Variants in CCDC34 observed in about 807,000 individuals in gnomAD.
CCDC34 encodes the protein coiled-coil domain-containing protein 34.
A neutral mutation model predicts 44.1 loss-of-function variants in CCDC34; 40 were observed. The ratio of observed to expected loss-of-function variants is 0.91; its 90% CI spans 0.70 to 1.18. The LOEUF is 1.18. CCDC34 is among the 50% of genes most tolerant of loss of function. CCDC34 has a pLI of 0.00. For missense variants in CCDC34, 466 were observed against 452.3 expected (o/e 1.03, Z -0.28); for synonymous variants, 159 against 158.2 (o/e 1.01, Z -0.04).
chr11:27,355,617 G>A (rs1862563914), intron 2 of CCDC34, among the ~76,000 whole-genome samples: 1 of 152,100 alleles, frequency 6.6e-6, no homozygotes, highest in Admixed American at 6.5e-5. Context: ...TGTGACACAG[G>A]TATTATTTTA....
At position 27,357,556 on chromosome 11, in the gene CCDC34, C is replaced by A; in HGVS notation, c.360-15G>T. On this transcript the variant is annotated splice_polypyrimidine_tract_variant and intron_variant, in intron 1 of 5. Coordinates refer to ENST00000328697, the MANE Select transcript of CCDC34 (RefSeq NM_030771.2). Reference sequence around the variant, plus strand: ...CAACCTGAGTGCTACAAAAGAGAGGCTACTATAGTACTTGTACAAGAACCT... The same window carrying A: ...CAACCTGAGTGCTACAAAAGAGAGGATACTATAGTACTTGTACAAGAACCT... 1 of 1,611,982 alleles carries A rather than the reference C, an allele frequency of 6.2e-7. No individual in the cohort carries two copies. Among genetic ancestry groups the A allele is most frequent in the Non-Finnish European group, 8.5e-7 (1 of 1,178,794 alleles).
At chr11:27,350,946 A>G (rs1862497379) in intron 2 of CCDC34, among the ~76,000 whole-genome samples, 1 of 152,250 alleles carries the variant, frequency 6.6e-6, no homozygotes, top group Admixed American at 6.5e-5. Flanking sequence ...AGTTTTCTTC[A>G]CTGGTTTTAT....
At chr11:27,357,580 C>G (rs3741407) in intron 1 of CCDC34, 39 bp from the exon 2 acceptor site, 480,166 of 1,584,270 alleles carry the variant, frequency 0.3, 75,038 homozygotes, top group Middle Eastern at 0.37. Context: ...GTACAAGAAC[C>G]TCTTTTGCTT....
chr11:27,354,303 G>T (rs1037764709), intron 2 of CCDC34, among the ~76,000 whole-genome samples: 1 of 152,126 alleles, frequency 6.6e-6, no homozygotes, highest in Non-Finnish European at 1.5e-5. Flanking sequence ...CCTGCTACAT[G>T]CTTATCATTG....
intron 3 of CCDC34, among the ~76,000 whole-genome samples, chr11:27,344,431 T>G (rs1862405527): frequency 6.6e-6 from 1 of 151,856 alleles, no homozygotes; most frequent in Admixed American, 6.6e-5. Context: ...TATAAACATG[T>G]GTGTTACATA....
chr11:27,351,137 T>C (rs955746363), intron 2 of CCDC34, among the ~76,000 whole-genome samples: 5 of 152,330 alleles, frequency 3.3e-5, no homozygotes, highest in African/African-American at 9.6e-5. Flanking sequence ...ACTGCATTGG[T>C]TTAGAATGCT....
chr11:27,340,326 A>G (rs1757620540), intron 5 of CCDC34, among the ~76,000 whole-genome samples: 1 of 152,144 alleles, frequency 6.6e-6, no homozygotes, highest in South Asian at 2.1e-4. Context: ...TGCCAAGGAC[A>G]TGGGAAGCTC....
At chr11:27,347,020 G>A (rs192801329) in intron 3 of CCDC34, among the ~76,000 whole-genome samples, 1 of 152,296 alleles carries the variant, frequency 6.6e-6, no homozygotes, top group African/African-American at 2.4e-5. Flanking sequence ...AGAACTGTGA[G>A]TAAAGATATA....
intron 3 of CCDC34, among the ~76,000 whole-genome samples, chr11:27,344,686 CATAA>C (rs1862409727): frequency 6.6e-6 from 1 of 151,830 alleles, no homozygotes; most frequent in Non-Finnish European, 1.5e-5. Context: ...TTAAAGAAGA[CATAA>C]ATAACTGGAA....
chr11:27,359,731 G>C (rs1038667630), intron 1 of CCDC34, among the ~76,000 whole-genome samples: 2 of 152,124 alleles, frequency 1.3e-5, no homozygotes, highest in African/African-American at 4.8e-5. Context: ...AGTTGTGGCT[G>C]GCTACCTTAC....
At chr11:27,357,588 C>T in intron 1 of CCDC34, 47 bp from the exon 2 acceptor site, 1 of 1,577,780 alleles carries the variant, frequency 6.3e-7, no homozygotes, top group Non-Finnish European at 8.6e-7. Flanking sequence ...ACCTCTTTTG[C>T]TTCCTAGTCC....
intron 2 of CCDC34, among the ~76,000 whole-genome samples, chr11:27,353,520 G>A (rs1862532820): frequency 6.6e-6 from 1 of 151,912 alleles, no homozygotes; most frequent in African/African-American, 2.4e-5. Flanking sequence ...CAATATACTA[G>A]TTTTTCATAA....
chr11:27,363,147 G>C lies in CCDC34; in HGVS notation c.48C>G (p.Ala16=), dbSNP rs757008437. Residue 16 remains alanine, a synonymous_variant, in exon 1 of 6, where the codon GCC becomes GCG. Transcript: ENST00000328697. ...TGGGTCTGCAGTCAGCAGAGAAACCGGCGTAGGAAGAGGGAAAAGTAGGCC... is the reference window on the plus strand; with the variant it reads ...TGGGTCTGCAGTCAGCAGAGAAACCCGCGTAGGAAGAGGGAAAAGTAGGCC... ...RWGPTFPSSY[A]GFSADCRPRS... is the part of the protein sequence containing the mutation. 43 of 1,520,734 alleles carry C rather than the reference G, an allele frequency of 2.8e-5. No individual in the cohort carries two copies. Among genetic ancestry groups the C allele is most frequent in the Non-Finnish European group, 3.5e-5 (40 of 1,138,246 alleles). The allele number at this position is 1,520,734 out of a possible 1,614,324, so 94.2% of individuals were successfully genotyped here.
chr11:27,339,036 C>A lies in CCDC34; in HGVS notation c.908-1G>T. ...GGATAGGAATTTCCACTGTAAAAAC[C>A]TAAAATTATTGAAAAATCAGATCAA... On this transcript the variant is annotated splice_acceptor_variant, in intron 5 of 5. Transcript: ENST00000328697. LOFTEE classifies it high-confidence loss of function. 6.3e-7 allele frequency: 1 copy of A among 1,594,704 alleles called. No individual in the cohort carries two copies. The highest frequency in any genetic ancestry group is 1.2e-5 in the South Asian group (1 of 86,422).
intron 3 of CCDC34, chr11:27,350,117 T>C (rs1342844354): frequency 1.4e-6 from 2 of 1,400,428 alleles, no homozygotes; most frequent in Non-Finnish European, 1.9e-6. Context: ...AGGCAAATAT[T>C]AGTGCAAGCC....
chr11:27,350,552 G>A, intron 2 of CCDC34, 113 bp from the exon 3 acceptor site: 1 of 989,438 alleles, frequency 1.0e-6, no homozygotes, highest in Non-Finnish European at 1.4e-6. Context: ...TTTCCTTTAT[G>A]GAGCATATGC....
At chr11:27,341,272 C>T (rs1210471638) in intron 4 of CCDC34, 120 bp downstream of exon 4, 11 of 598,546 alleles carry the variant, frequency 1.8e-5, no homozygotes, top group Non-Finnish European at 2.8e-5. Context: ...AGGATAGCTT[C>T]TTGTGTTTAT....
At chr11:27,345,329 C>T (rs1283531961) in intron 3 of CCDC34, among the ~76,000 whole-genome samples, 4 of 151,932 alleles carry the variant, frequency 2.6e-5, no homozygotes, top group Non-Finnish European at 5.9e-5. Flanking sequence ...TACATGTGCA[C>T]AACGTGCAGG....
chr11:27,350,024 GT>G, intron 3 of CCDC34: 1 of 1,225,428 alleles, frequency 8.2e-7, no homozygotes, highest in South Asian at 3.8e-5. Flanking sequence ...AAAATGGGTT[GT>G]TTTAGATTTG....
Sources: gnomAD v4.1 joint callset for allele counts (sites outside exome capture counted in the v4.1 genomes callset) on GRCh38, gnomAD v4.1.1 for gene constraint, MANE v1.5 for transcripts, NCBI Gene and HGNC (gene_info 2026-07-23, HGNC 2026-07-21) for gene names.